The following TOM1L1 variants were observed in gnomAD, a reference collection of about 807,000 sequenced individuals.
TOM1L1 encodes the protein target of myb1 like 1 membrane trafficking protein, also known as TOM1-like protein 1.
Under a neutral mutation model 63.4 loss-of-function variants are expected in TOM1L1, and 64 were observed. The observed-to-expected ratio is 1.01, with a 90% CI of 0.83 to 1.24. The LOEUF (loss-of-function observed/expected upper bound fraction) is 1.24, where lower values mean the gene tolerates loss of function less well. Among genes scored for constraint, TOM1L1 ranks in the 50% most tolerant of loss-of-function variants. The probability of loss-of-function intolerance (pLI) is 0.00; values close to 1 mark genes in which losing one functional copy is unlikely to be tolerated. For missense variants in TOM1L1, 536 were observed against 567.0 expected, an observed-to-expected ratio of 0.95 and a Z score of 0.55; for synonymous variants, 166 against 194.4, an observed-to-expected ratio of 0.85 and a Z score of 1.22.
chr17:54,911,728 A>G (rs2048500342), intron 3 of TOM1L1, among the ~76,000 whole-genome samples: 1 of 152,122 alleles, frequency 6.6e-6, no homozygotes, highest in South Asian at 2.1e-4. Context: ...TTGCTACTGG[A>G]TCTTTCTATC....
chr17:54,920,950 G>A (rs973198388), intron 7 of TOM1L1, among the ~76,000 whole-genome samples: 33 of 134,100 alleles, frequency 2.5e-4, no homozygotes, highest in African/African-American at 6.1e-4. Context: ...ACCAAGAACC[G>A]ACGCTGACAT....
intron 7 of TOM1L1, among the ~76,000 whole-genome samples, chr17:54,919,925 G>A (rs1230224127): frequency 2.6e-5 from 4 of 152,116 alleles, no homozygotes; most frequent in African/African-American, 9.7e-5. Context: ...AGTCAGCAAA[G>A]ATAGACTGTG....
intron 7 of TOM1L1, among the ~76,000 whole-genome samples, chr17:54,928,588 C>A (rs945235292): frequency 2.6e-5 from 4 of 152,092 alleles, no homozygotes; most frequent in African/African-American, 9.7e-5. Flanking sequence ...TATATATTTT[C>A]CAGGGTTGCT....
chr17:54,932,397 C>G (rs1013674419), intron 8 of TOM1L1, among the ~76,000 whole-genome samples: 4 of 152,076 alleles, frequency 2.6e-5, no homozygotes, highest in African/African-American at 9.7e-5. Context: ...GGTCAGGGGT[C>G]GATCTTTAAC....
intron 7 of TOM1L1, among the ~76,000 whole-genome samples, chr17:54,925,265 A>G (rs1382431861): frequency 1.7e-4 from 2 of 11,974 alleles, no homozygotes; most frequent in African/African-American, 7.5e-4. Context: ...ACCTAGAGGA[A>G]AGAATAATGT....
chr17:54,924,621 T>C (rs1242628665), intron 7 of TOM1L1, among the ~76,000 whole-genome samples: 1 of 152,216 alleles, frequency 6.6e-6, no homozygotes, highest in Non-Finnish European at 1.5e-5. Context: ...GCACTCACAG[T>C]GTCTGACGCT....
At chr17:54,928,694 T>G (rs2048808178) in intron 7 of TOM1L1, among the ~76,000 whole-genome samples, 1 of 152,186 alleles carries the variant, frequency 6.6e-6, no homozygotes, top group Non-Finnish European at 1.5e-5. Context: ...AGAACAACAC[T>G]GTTGACCCCT....
chr17:54,938,859 A>C, intron 10 of TOM1L1, 65 bp from the exon 11 acceptor site: 1 of 812,428 alleles, frequency 1.2e-6, no homozygotes. Context: ...TTTTTACTGT[A>C]GAAAATCCAG....
chr17:54,949,484 A>T (rs749869705), intron 12 of TOM1L1, 34 bp from the exon 13 acceptor site: 69 of 1,514,708 alleles, frequency 4.6e-5, no homozygotes, highest in Non-Finnish European at 5.7e-5. Context: ...TTAATGTAGA[A>T]CGTTTATATG....
chr17:54,927,774 C>T (rs926860923), intron 7 of TOM1L1, among the ~76,000 whole-genome samples: 1 of 152,108 alleles, frequency 6.6e-6, no homozygotes, highest in African/African-American at 2.4e-5. Context: ...GGTGGCTTGG[C>T]CCTCCTCTGA....
At chr17:54,953,064 A>G (rs1598066156) in intron 14 of TOM1L1, 1 of 152,216 alleles carries the variant, frequency 6.6e-6, no homozygotes, top group African/African-American at 2.4e-5. Context: ...CACAGAAAAC[A>G]TGGCTACAGT....
At chr17:54,937,345 G>A (rs1276157121) in intron 10 of TOM1L1, 119 bp downstream of exon 10, 7 of 812,500 alleles carry the variant, frequency 8.6e-6, no homozygotes, top group African/African-American at 5.1e-5. Context: ...ATGTCAGAGC[G>A]CTATGTTAGG....
intron 7 of TOM1L1, among the ~76,000 whole-genome samples, chr17:54,929,741 G>GTTTTTTT (rs61518775): frequency 1.1e-4 from 16 of 142,030 alleles, no homozygotes; most frequent in Non-Finnish European, 1.2e-4. Flanking sequence ...AAAAACATGT[G>GTTTTTTT]TTTTTTTTTT....
At chr17:54,904,310 C>T (rs908019602) in intron 2 of TOM1L1, among the ~76,000 whole-genome samples, 3 of 145,486 alleles carry the variant, frequency 2.1e-5, no homozygotes, top group African/African-American at 7.7e-5. Context: ...GTGGAGCTTG[C>T]AGTGAGCAGA....
chr17:54,945,778 T>C (rs762144561), intron 11 of TOM1L1, among the ~76,000 whole-genome samples: 7 of 152,188 alleles, frequency 4.6e-5, no homozygotes, highest in Admixed American at 2.0e-4. Flanking sequence ...GGTTTTTTTT[T>C]CTAAAGATTG....
intron 3 of TOM1L1, among the ~76,000 whole-genome samples, chr17:54,907,884 G>A (rs1205552941): frequency 2.0e-5 from 3 of 152,142 alleles, no homozygotes; most frequent in Non-Finnish European, 1.5e-5. Context: ...ATTGTGCCCA[G>A]CCTACTTGAT....
At chr17:54,948,868 T>A (rs1484220581) in intron 12 of TOM1L1, among the ~76,000 whole-genome samples, 4 of 151,058 alleles carry the variant, frequency 2.6e-5, no homozygotes, top group South Asian at 2.1e-4. Context: ...TAGATTTAAA[T>A]TTTTTTTTTC....
At chr17:54,906,053 C>G (rs1444110037) in intron 3 of TOM1L1, among the ~76,000 whole-genome samples, 1 of 152,034 alleles carries the variant, frequency 6.6e-6, no homozygotes, top group Non-Finnish European at 1.5e-5. Flanking sequence ...ATCTGTAGTC[C>G]CAGCCACTTA....
At chr17:54,912,167 C>G (rs1217509628) in intron 3 of TOM1L1, among the ~76,000 whole-genome samples, 2 of 152,154 alleles carry the variant, frequency 1.3e-5, no homozygotes, top group African/African-American at 4.8e-5. Context: ...TTAGCCTTTT[C>G]CAAAAGTCTT....
Sources: gnomAD v4.1 joint callset for allele counts (sites outside exome capture counted in the v4.1 genomes callset) on GRCh38, gnomAD v4.1.1 for gene constraint, MANE v1.5 for transcripts, NCBI Gene and HGNC (gene_info 2026-07-23, HGNC 2026-07-21) for gene names.